Variants in ABI3BP observed in about 807,000 individuals in gnomAD.
ABI3BP encodes target of Nesh-SH3.
Under a neutral mutation model 268.6 loss-of-function variants are expected in ABI3BP, and 216 were observed. The observed-to-expected ratio is 0.80, with a 90% CI of 0.72 to 0.90. The LOEUF (loss-of-function observed/expected upper bound fraction) is 0.90. Among genes scored for constraint, ABI3BP ranks in the 40% least tolerant of loss-of-function variants. The probability of loss-of-function intolerance (pLI) is 0.00; values close to 1 mark genes in which losing one functional copy is unlikely to be tolerated. For synonymous variants in ABI3BP, 730 were observed against 730.0 expected (o/e 1.00, Z 0.00); for missense variants, 2,090 against 2,182.4 (o/e 0.96, Z 0.84).
chr3:100,807,636 T>C (rs1048275255), intron 50 of ABI3BP, among the ~76,000 whole-genome samples: 4 of 151,972 alleles, frequency 2.6e-5, no homozygotes, highest in Non-Finnish European at 5.9e-5. Context: ...GAAATATTTG[T>C]GGTGGGAATC....
intron 4 of ABI3BP, 128 bp from the exon 5 acceptor site, chr3:100,886,451 T>G (rs2042015984): frequency 1.6e-6 from 1 of 615,426 alleles, no homozygotes; most frequent in African/African-American, 1.9e-5. Flanking sequence ...CTCTTCCGAT[T>G]TTTAAAAAAT....
At chr3:100,846,571 GATTTTGGAAAT>G (rs2098771623) in intron 19 of ABI3BP, 125 bp from the exon 20 acceptor site, 3 of 613,038 alleles carry the variant, frequency 4.9e-6, no homozygotes, top group South Asian at 2.9e-5. Flanking sequence ...CGTCTTGGAA[GATTTTGGAAAT>G]ATTCCATTAA....
intron 47 of ABI3BP, 142 bp downstream of exon 47, chr3:100,811,586 A>C (rs2097861596): frequency 1.2e-6 from 1 of 830,250 alleles, no homozygotes; most frequent in Admixed American, 2.9e-5. Flanking sequence ...AGAATTCAAG[A>C]ATGTTGGAAG....
rs536917727 is a variant in ABI3BP, at chr3:100,790,981, T to C, written c.4025-1465A>G. Among the ~76,000 whole-genome samples the C allele has an allele frequency of 2.6e-3, 390 of 152,036 alleles. 1 individual carries two copies. Among genetic ancestry groups the C allele is most frequent in the Non-Finnish European group, 3.9e-3 (266 of 67,886 alleles). ...TTTCTCCATAGTCTTCATTTAAGTC[T>C]AGAAAGAATTTTTTTATAAAAGAGC... is the stretch of plus-strand genomic sequence containing the variant. On this transcript the variant is annotated intron_variant, in intron 55 of 67. Coordinates refer to ENST00000471714, the MANE Select transcript of ABI3BP (RefSeq NM_001375547.2).
intron 2 of ABI3BP, among the ~76,000 whole-genome samples, chr3:100,907,906 G>T (rs1180104975): frequency 6.6e-6 from 1 of 152,050 alleles, no homozygotes; most frequent in African/African-American, 2.4e-5. Flanking sequence ...ATGAGGTCAG[G>T]AGATCGAGAC....
Position 100,787,760 on chromosome 3 carries a change from C to G in ABI3BP, c.4130G>C (p.Ser1377Thr). Reference protein sequence around the residue: ...TTTRPTRPKPSGMPSGNGVGT... With the variant: ...TTTRPTRPKPTGMPSGNGVGT... ...CACTCCATTCCCACTGGGCATCCCA[C>G]TGGGTTTGGGCCTAGTAGGTCTTGT... Residue 1377 changes from serine (S) to threonine (T), a missense_variant, in exon 57 of 68, where the codon AGT (serine) becomes ACT (threonine). Transcript: ENST00000471714. 1 of 1,532,816 alleles carries G rather than the reference C, an allele frequency of 6.5e-7. No homozygotes were observed. Among genetic ancestry groups the G allele is most frequent in the Non-Finnish European group, 8.7e-7 (1 of 1,145,146 alleles). 95.0% of individuals were successfully genotyped at this position (1,532,816 alleles called of 1,614,324 possible). A position where few individuals can be genotyped will look rare whatever the true frequency, so the allele number is the denominator to read the frequency against.
intron 1 of ABI3BP, among the ~76,000 whole-genome samples, chr3:100,991,570 C>T (rs2153997914): frequency 1.3e-5 from 2 of 152,282 alleles, no homozygotes; most frequent in South Asian, 4.1e-4. Context: ...AACAGTGCAC[C>T]TATGCCTGGA....
At chr3:100,898,634 CT>C in intron 4 of ABI3BP, 127 bp downstream of exon 4, 1 of 1,083,374 alleles carries the variant, frequency 9.2e-7, no homozygotes, top group Non-Finnish European at 1.3e-6. Flanking sequence ...GGGCCCCTGA[CT>C]TTGTTCCCCT....
At chr3:100,810,359 T>A in intron 49 of ABI3BP, 53 bp downstream of exon 49, 1 of 1,440,640 alleles carries the variant, frequency 6.9e-7, no homozygotes, top group South Asian at 1.2e-5. Flanking sequence ...GTGACCATAC[T>A]GACATTCTGC....
At chr3:100,761,451 C>T (rs1559864422) in intron 63 of ABI3BP, among the ~76,000 whole-genome samples, 2 of 152,060 alleles carry the variant, frequency 1.3e-5, no homozygotes, top group South Asian at 2.1e-4. Context: ...CCCAGCTGCA[C>T]CTTTGGAGCT....
At chr3:100,856,132 T>C (rs1443864129) in intron 14 of ABI3BP, among the ~76,000 whole-genome samples, 1 of 152,180 alleles carries the variant, frequency 6.6e-6, no homozygotes, top group East Asian at 1.9e-4. Context: ...GTGGGCCAGA[T>C]CTGTGCTAAT....
chr3:100,976,136 T>C (rs1340625970), intron 1 of ABI3BP, among the ~76,000 whole-genome samples: 1 of 152,170 alleles, frequency 6.6e-6, no homozygotes, highest in Non-Finnish European at 1.5e-5. Context: ...AAGTAAACTA[T>C]AGGTAAAATA....
chr3:100,959,706 A>T (rs2078272942), intron 1 of ABI3BP, among the ~76,000 whole-genome samples: 1 of 152,120 alleles, frequency 6.6e-6, no homozygotes, highest in Non-Finnish European at 1.5e-5. Flanking sequence ...GACATTAAAA[A>T]AAATACTCTC....
intron 65 of ABI3BP, among the ~76,000 whole-genome samples, chr3:100,753,344 A>G (rs894390519): frequency 3.9e-5 from 6 of 152,040 alleles, no homozygotes; most frequent in Middle Eastern, 3.4e-3. Flanking sequence ...CTGTTGCCCA[A>G]GCTGGATAAT....
At chr3:100,785,017 G>A (rs1395306655) in intron 57 of ABI3BP, among the ~76,000 whole-genome samples, 1 of 152,030 alleles carries the variant, frequency 6.6e-6, no homozygotes, top group African/African-American at 2.4e-5. Context: ...AACCATTCAT[G>A]TTTATCCATG....
At chr3:100,813,571 ATTT>A in intron 45 of ABI3BP, 87 bp downstream of exon 45, 1 of 1,071,952 alleles carries the variant, frequency 9.3e-7, no homozygotes, top group Non-Finnish European at 1.3e-6. Flanking sequence ...TTCCTTTTTC[ATTT>A]TTTATCTTTG....
At position 100,840,981 on chromosome 3, in the gene ABI3BP, T is replaced by C. The variant is rs565490919; in HGVS notation, c.1766-123A>G. 112 of 743,788 alleles carry C rather than the reference T, an allele frequency of 1.5e-4. No individual in the cohort carries two copies. In the African/African-American group the frequency reaches 1.8e-3, roughly 12 times the overall value. The allele number at this position is 743,788 out of a possible 1,614,324, so 46.1% of individuals were successfully genotyped here. Reference sequence around the variant, plus strand: ...ATTGAGCAAATATAAATGGTGAAGCTTTTATCCACATGCAAAGTTTCTTTT... The same window carrying C: ...ATTGAGCAAATATAAATGGTGAAGCCTTTATCCACATGCAAAGTTTCTTTT... On this transcript the variant is annotated intron_variant, in intron 21 of 67. Coordinates refer to ENST00000471714, the MANE Select transcript of ABI3BP (RefSeq NM_001375547.2).
intron 17 of ABI3BP, among the ~76,000 whole-genome samples, chr3:100,849,780 G>T (rs1460104665): frequency 2.6e-5 from 4 of 152,142 alleles, no homozygotes; most frequent in African/African-American, 7.2e-5. Context: ...TAATTCTGCT[G>T]CTAGTTTCCA....
intron 27 of ABI3BP, 60 bp downstream of exon 27, chr3:100,837,064 A>G: frequency 1.4e-6 from 2 of 1,417,926 alleles, no homozygotes; most frequent in Non-Finnish European, 1.9e-6. Flanking sequence ...CTAATGAAAA[A>G]AGAGATGAGA....
Sources: allele counts gnomAD v4.1 joint callset (sites outside exome capture counted in the v4.1 genomes callset), GRCh38; gene constraint gnomAD v4.1.1; transcripts MANE v1.5; gene names NCBI Gene and HGNC (gene_info 2026-07-23, HGNC 2026-07-21).